Variants in PRCP observed in about 807,000 individuals in gnomAD.
The protein encoded by PRCP is lysosomal Pro-X carboxypeptidase.
Under a neutral mutation model 54.2 loss-of-function variants are expected in PRCP, and 46 were observed. That is an observed-to-expected ratio of 0.85 (90% CI 0.67 to 1.09). The LOEUF (loss-of-function observed/expected upper bound fraction) is 1.09. Among genes scored for constraint, PRCP ranks in the 50% least tolerant of loss-of-function variants. PRCP has a pLI of 0.00. For synonymous variants in PRCP, 240 were observed against 212.2 expected, an observed-to-expected ratio of 1.13 and a Z score of -1.14; for missense variants, 613 against 596.8, an observed-to-expected ratio of 1.03 and a Z score of -0.28.
At chr11:82,876,153 T>A (rs1419419473) in intron 1 of PRCP, among the ~76,000 whole-genome samples, 4 of 152,230 alleles carry the variant, frequency 2.6e-5, no homozygotes, top group South Asian at 2.1e-4. Context: ...GTCACTGTTT[T>A]GAAGGTTGGC....
At chr11:82,865,594 G>T (rs1246392548) in intron 1 of PRCP, among the ~76,000 whole-genome samples, 1 of 152,104 alleles carries the variant, frequency 6.6e-6, no homozygotes, top group Non-Finnish European at 1.5e-5. Flanking sequence ...TTTTACTAAA[G>T]ATACAAAAAG....
intron 1 of PRCP, among the ~76,000 whole-genome samples, chr11:82,874,043 TCCGGTCTAAATGATAATG>T (rs1565231209): frequency 1.3e-5 from 2 of 152,174 alleles, no homozygotes; most frequent in Non-Finnish European, 2.9e-5. Flanking sequence ...TGCACATTCA[TCCGGTCTAAATGATAATG>T]GCGCTGTAAA....
intron 2 of PRCP, among the ~76,000 whole-genome samples, chr11:82,858,968 G>C (rs1174274884): frequency 6.6e-6 from 1 of 152,102 alleles, no homozygotes; most frequent in Non-Finnish European, 1.5e-5. Flanking sequence ...CAATGTAATT[G>C]GGTTCATATC....
rs1165313837 is a variant in PRCP, at chr11:82,824,980, C to A, written c.1417G>T (p.Ala473Ser). 1.9e-6 allele frequency: 3 copies of A among 1,614,076 alleles called. No homozygotes were observed. The highest frequency in any genetic ancestry group is 1.7e-6 in the Non-Finnish European group (2 of 1,179,976). Residue 473 changes from alanine to serine, a missense_variant, in exon 9 of 9, where the codon GCC (alanine) becomes TCC (serine). Coordinates refer to ENST00000313010, the MANE Select transcript of PRCP (RefSeq NM_005040.4). ...NALDPMSVLL[A>S]RSLEVRHMKN... is the part of the protein sequence containing the mutation. ...ATATGTCTAACTTCCAAGGAGCGGG[C>A]TAACAGCACAGACATAGGATCCAAG...
intron 8 of PRCP, among the ~76,000 whole-genome samples, chr11:82,835,063 TC>T (rs1858487376): frequency 6.6e-6 from 1 of 151,950 alleles, no homozygotes. Context: ...AAACTCTATC[TC>T]AAAAGAAAAA....
intron 8 of PRCP, chr11:82,829,442 CCAACCTCATGG>C: frequency 6.6e-6 from 1 of 152,306 alleles, no homozygotes; most frequent in African/African-American, 2.4e-5. Flanking sequence ...TCTTACCCCA[CCAACCTCATGG>C]CTAGCTCCTT....
chr11:82,896,184 C>T (rs528050458), intron 1 of PRCP, among the ~76,000 whole-genome samples: 36 of 152,250 alleles, frequency 2.4e-4, no homozygotes, highest in African/African-American at 8.2e-4. Flanking sequence ...TCATTTGTTA[C>T]GACACTGAAC....
intron 1 of PRCP, among the ~76,000 whole-genome samples, chr11:82,866,337 G>T (rs1307391564): frequency 6.6e-6 from 1 of 152,158 alleles, no homozygotes; most frequent in Non-Finnish European, 1.5e-5. Context: ...CAACCTTAGA[G>T]GGTCGAGCTT....
intron 6 of PRCP, among the ~76,000 whole-genome samples, chr11:82,841,267 G>GAA (rs113962936): frequency 1.4e-5 from 2 of 142,890 alleles, no homozygotes; most frequent in Non-Finnish European, 3.0e-5. Flanking sequence ...TGCCAGCGGG[G>GAA]GAAAAAAAAA....
At position 82,839,412 on chromosome 11, in the gene PRCP, T is replaced by C; in HGVS notation, c.935A>G (p.Tyr312Cys). 1.2e-6 allele frequency: 2 copies of C among 1,611,702 alleles called. No individual in the cohort carries two copies. The highest frequency in any genetic ancestry group is 1.7e-6 in the Non-Finnish European group (2 of 1,178,454). ...ATCAGATACATTGGGATTTTTCAAA[T>C]ACTGGCACACTACCTGTCATTTTAG... ...PAWPIKVVCQ[Y>C]LKNPNVSDSL... Residue 312 changes from tyrosine to cysteine, a missense_variant, in exon 7 of 9, where the codon TAT (tyrosine) becomes TGT (cysteine). Tyr to Cys is a radical substitution (Grantham distance 194). Transcript: ENST00000313010.
intron 1 of PRCP, among the ~76,000 whole-genome samples, chr11:82,872,277 A>G (rs1859500059): frequency 6.6e-6 from 1 of 152,174 alleles, no homozygotes; most frequent in Non-Finnish European, 1.5e-5. Flanking sequence ...AACACAGCCT[A>G]CTTTAAATTG....
chr11:82,891,046 C>G (rs1859998772), intron 1 of PRCP, among the ~76,000 whole-genome samples: 3 of 152,214 alleles, frequency 2.0e-5, no homozygotes, highest in Admixed American at 2.0e-4. Flanking sequence ...ATACTAACAG[C>G]TTCAAATTTG....
chr11:82,824,705 G>A lies in PRCP; in HGVS notation c.*201C>T, dbSNP rs111487703. 1.7e-6 allele frequency: 1 copy of A among 574,564 alleles called. No homozygotes were observed. The highest frequency in any genetic ancestry group is 1.9e-5 in the African/African-American group (1 of 53,200). The allele number at this position is 574,564 out of a possible 1,614,324, so 35.6% of individuals were successfully genotyped here. On this transcript the variant is annotated 3_prime_UTR_variant, in exon 9 of 9. Transcript: ENST00000313010. Reference sequence around the variant, plus strand: ...TATCAAGAAGATTCTTCCTAGACGTGGTGCAAAGACAGTGAGAACCCAGGA... The same window carrying A: ...TATCAAGAAGATTCTTCCTAGACGTAGTGCAAAGACAGTGAGAACCCAGGA...
chr11:82,891,080 T>C (rs1449725646), intron 1 of PRCP, among the ~76,000 whole-genome samples: 1 of 152,222 alleles, frequency 6.6e-6, no homozygotes, highest in Non-Finnish European at 1.5e-5. Flanking sequence ...ACCTTTCTTC[T>C]AAATTCTTGA....
chr11:82,890,707 G>A lies in PRCP; in HGVS notation c.168+9528C>T, dbSNP rs141261845. Among the ~76,000 whole-genome samples, 4 of 152,310 alleles carry A rather than the reference G, an allele frequency of 2.6e-5. No individual in the cohort carries two copies. The East Asian group carries it at 7.7e-4, about 29-fold the overall frequency. ...TTCTCTCTTGCATCCACTCCAATGAGGCTTTCGCCTCCACTCACCCTCTGA... is the reference window on the plus strand; with the variant it reads ...TTCTCTCTTGCATCCACTCCAATGAAGCTTTCGCCTCCACTCACCCTCTGA... On this transcript the variant is annotated intron_variant, in intron 1 of 8. Coordinates refer to ENST00000313010, the MANE Select transcript of PRCP (RefSeq NM_005040.4).
At chr11:82,853,136 A>G in intron 3 of PRCP, 41 bp downstream of exon 3, 2 of 1,455,060 alleles carry the variant, frequency 1.4e-6, no homozygotes, top group Non-Finnish European at 1.9e-6. Flanking sequence ...TCTAAATTGA[A>G]AAGAAAAAGC....
intron 1 of PRCP, among the ~76,000 whole-genome samples, chr11:82,873,792 A>C (rs1038542598): frequency 6.6e-6 from 1 of 152,262 alleles, no homozygotes; most frequent in African/African-American, 2.4e-5. Context: ...ACTGCTTTAA[A>C]ATAAATTTTT....
intron 3 of PRCP, among the ~76,000 whole-genome samples, chr11:82,852,724 G>GT (rs3216130): frequency 0.057 from 8,674 of 152,276 alleles, 328 homozygotes; most frequent in South Asian, 0.13. Context: ...CAAGGGGCCA[G>GT]TTGGCCTTAA....
chr11:82,859,505 C>G (rs1447536986), intron 2 of PRCP, among the ~76,000 whole-genome samples: 2 of 152,062 alleles, frequency 1.3e-5, no homozygotes, highest in African/African-American at 4.8e-5. Flanking sequence ...TTGTTTTTAC[C>G]TTCTAGAGAC....
Sources: allele counts gnomAD v4.1 joint callset (sites outside exome capture counted in the v4.1 genomes callset), GRCh38; gene constraint gnomAD v4.1.1; transcripts MANE v1.5; gene names NCBI Gene and HGNC (gene_info 2026-07-23, HGNC 2026-07-21).